The following RAB2A variants were observed in gnomAD, a reference collection of about 807,000 sequenced individuals.
RAB2A encodes RAB2A, member RAS oncogene family, also known as ras-related protein Rab-2A.
RAB2A carries 7 observed loss-of-function variants against 32.5 expected under a neutral mutation model. That is an observed-to-expected ratio of 0.22 (90% confidence interval 0.12 to 0.40). The LOEUF is 0.40. Ranked by LOEUF, RAB2A falls within the 10% of genes least tolerant of loss-of-function variation. The pLI is 1.00. For synonymous variants in RAB2A, 79 were observed against 85.2 expected (o/e 0.93, Z 0.40); for missense variants, 108 against 260.7 (o/e 0.41, Z 4.03).
chr8:60,610,934 T>G (rs1432074507), intron 6 of RAB2A, among the ~76,000 whole-genome samples: 3 of 152,204 alleles, frequency 2.0e-5, no homozygotes, highest in Non-Finnish European at 4.4e-5. Context: ...TAAAAGAAAT[T>G]TTTCATTCCT....
intron 1 of RAB2A, among the ~76,000 whole-genome samples, chr8:60,529,818 A>G (rs906621593): frequency 2.2e-4 from 33 of 152,192 alleles, no homozygotes; most frequent in Admixed American, 1.9e-3. Flanking sequence ...ATGATACTCC[A>G]TAGATTATTC....
chr8:60,608,503 C>G (rs1373155179), intron 6 of RAB2A, among the ~76,000 whole-genome samples: 1 of 132,054 alleles, frequency 7.6e-6, no homozygotes, highest in Non-Finnish European at 1.5e-5. Context: ...CCTTCTTCCT[C>G]TCCTTCTTCC....
At chr8:60,569,291 TTC>T (rs1808161346) in intron 2 of RAB2A, among the ~76,000 whole-genome samples, 1 of 151,690 alleles carries the variant, frequency 6.6e-6, no homozygotes, top group Non-Finnish European at 1.5e-5. Context: ...TGCTTCTTGT[TTC>T]TGTTTGTTTG....
At chr8:60,619,594 C>T (rs1031630088) in intron 7 of RAB2A, among the ~76,000 whole-genome samples, 1 of 152,162 alleles carries the variant, frequency 6.6e-6, no homozygotes, top group African/African-American at 2.4e-5. Context: ...AATATAGTTT[C>T]TAAATCCTAT....
At chr8:60,582,927 C>T (rs916136071) in intron 3 of RAB2A, among the ~76,000 whole-genome samples, 8 of 152,068 alleles carry the variant, frequency 5.3e-5, no homozygotes, top group African/African-American at 1.2e-4. Context: ...GGATTGCATG[C>T]GTGAGCCACC....
At chr8:60,596,712 G>T (rs1804035513) in intron 6 of RAB2A, among the ~76,000 whole-genome samples, 1 of 152,080 alleles carries the variant, frequency 6.6e-6, no homozygotes, top group Non-Finnish European at 1.5e-5. Context: ...CACAAGGTCA[G>T]GAGATGAGAC....
intron 6 of RAB2A, among the ~76,000 whole-genome samples, chr8:60,615,230 G>T (rs1017603544): frequency 6.6e-6 from 1 of 152,132 alleles, no homozygotes; most frequent in Non-Finnish European, 1.5e-5. Flanking sequence ...CTTGCTAAGG[G>T]TAATTGAGTT....
At chr8:60,526,017 G>GTATATATATATA (rs1312469468) in intron 1 of RAB2A, among the ~76,000 whole-genome samples, 2 of 74,242 alleles carry the variant, frequency 2.7e-5, no homozygotes, top group African/African-American at 6.0e-5. Flanking sequence ...ATGTGTGTGT[G>GTATATATATATA]TACATATATA....
chr8:60,591,519 C>G (rs540813307), intron 5 of RAB2A, among the ~76,000 whole-genome samples: 24 of 152,228 alleles, frequency 1.6e-4, no homozygotes, highest in African/African-American at 5.3e-4. Context: ...TAGTCCTGCT[C>G]TTTCAAATTA....
intron 6 of RAB2A, among the ~76,000 whole-genome samples, chr8:60,614,609 C>T (rs185928863): frequency 1.1e-3 from 168 of 152,192 alleles, no homozygotes; most frequent in African/African-American, 3.9e-3. Flanking sequence ...TCCACATTAG[C>T]GTGTGTATTT....
rs565648593 is a variant in RAB2A, at chr8:60,534,695, G to A, written c.46+17442G>A. Among the ~76,000 whole-genome samples the A allele has an allele frequency of 3.3e-5, 5 of 152,212 alleles. No individual in the cohort carries two copies. In the South Asian group the frequency reaches 1.0e-3, roughly 32 times the overall value. Reference sequence around the variant, plus strand: ...TGATGTACAAAATGTGGCAGTAAAGGGTTTTCATCAGAACTGGGGGAAAGG... The same window carrying A: ...TGATGTACAAAATGTGGCAGTAAAGAGTTTTCATCAGAACTGGGGGAAAGG... On this transcript the variant is annotated intron_variant, in intron 1 of 7. Coordinates refer to ENST00000262646, the MANE Select transcript of RAB2A (RefSeq NM_002865.3).
intron 6 of RAB2A, among the ~76,000 whole-genome samples, chr8:60,600,444 C>T (rs1804113493): frequency 6.6e-6 from 1 of 152,218 alleles, no homozygotes; most frequent in Admixed American, 6.5e-5. Context: ...CCAGATCACT[C>T]TTACGTTGCA....
chr8:60,562,987 C>T (rs1156926831), intron 2 of RAB2A, among the ~76,000 whole-genome samples: 3 of 150,570 alleles, frequency 2.0e-5, no homozygotes, highest in Middle Eastern at 3.2e-3. Context: ...TTTTTGACAC[C>T]CATCACAGCA....
intron 1 of RAB2A, among the ~76,000 whole-genome samples, chr8:60,536,519 T>C (rs1807559154): frequency 6.6e-6 from 1 of 152,228 alleles, no homozygotes; most frequent in Non-Finnish European, 1.5e-5. Flanking sequence ...GCAGTTCTTA[T>C]TTGGAATTTT....
At chr8:60,550,152 C>T (rs1374317738) in intron 1 of RAB2A, among the ~76,000 whole-genome samples, 1 of 152,182 alleles carries the variant, frequency 6.6e-6, no homozygotes. Flanking sequence ...ATGATCTGTC[C>T]ACTCTCAATC....
intron 6 of RAB2A, among the ~76,000 whole-genome samples, chr8:60,611,087 AC>A (rs1443905216): frequency 3.3e-5 from 5 of 152,206 alleles, no homozygotes; most frequent in Admixed American, 1.3e-4. Flanking sequence ...TAATTTCTTC[AC>A]AACAGATATT....
chr8:60,610,602 G>T (rs1001843640), intron 6 of RAB2A, among the ~76,000 whole-genome samples: 4 of 152,160 alleles, frequency 2.6e-5, no homozygotes, highest in Non-Finnish European at 5.9e-5. Flanking sequence ...GGATAGCTTA[G>T]TTTAATAAAT....
At chr8:60,609,839 G>A (rs563606684) in intron 6 of RAB2A, among the ~76,000 whole-genome samples, 9 of 151,788 alleles carry the variant, frequency 5.9e-5, no homozygotes, top group Non-Finnish European at 1.2e-4. Context: ...GGTGGGACAC[G>A]CCTGCTGTAC....
chr8:60,522,052 G>C (rs978024090), intron 1 of RAB2A, among the ~76,000 whole-genome samples: 1 of 152,230 alleles, frequency 6.6e-6, no homozygotes, highest in Non-Finnish European at 1.5e-5. Context: ...TGAATTGACA[G>C]ATGAAAGCTT....
Sources: gnomAD v4.1 joint callset for allele counts (sites outside exome capture counted in the v4.1 genomes callset) on GRCh38, gnomAD v4.1.1 for gene constraint, MANE v1.5 for transcripts, NCBI Gene and HGNC (gene_info 2026-07-23, HGNC 2026-07-21) for gene names.